The following CLNK variants were observed in gnomAD, a reference collection of about 807,000 sequenced individuals.
The protein encoded by CLNK is cytokine dependent hematopoietic cell linker.
Under a neutral mutation model 68.6 loss-of-function variants are expected in CLNK, and 74 were observed. The observed-to-expected ratio is 1.08, with a 90% confidence interval of 0.89 to 1.31. The LOEUF is 1.31. Ranked by LOEUF, CLNK falls within the 50% of genes most tolerant of loss-of-function variation. The pLI is 0.00. For synonymous variants in CLNK, 198 were observed against 172.2 expected, an observed-to-expected ratio of 1.15 and a Z score of -1.17; for missense variants, 553 against 515.3, an observed-to-expected ratio of 1.07 and a Z score of -0.71.
intron 7 of CLNK, among the ~76,000 whole-genome samples, chr4:10,564,104 CTT>C (rs371222469): frequency 6.6e-5 from 9 of 135,764 alleles, no homozygotes; most frequent in Non-Finnish European, 9.5e-5. Context: ...TAGATTTTTT[CTT>C]TTTTTTTTTT....
At chr4:10,542,143 C>A in intron 9 of CLNK, 102 bp from the exon 10 acceptor site, 1 of 1,234,708 alleles carries the variant, frequency 8.1e-7, no homozygotes, top group South Asian at 1.4e-5. Context: ...AAATTGTGAT[C>A]AGACTTATAA....
chr4:10,559,504 G>A (rs1037662061), intron 7 of CLNK, among the ~76,000 whole-genome samples: 4 of 152,044 alleles, frequency 2.6e-5, no homozygotes, highest in African/African-American at 7.3e-5. Flanking sequence ...TCTTGTGCAC[G>A]CTCATCTTTT....
chr4:10,696,971 C>T, the CLNK span, among the ~76,000 whole-genome samples: 3 of 152,270 alleles, frequency 2.0e-5, no homozygotes, highest in East Asian at 3.9e-4. Context: ...AACAAATTCT[C>T]CTGGTGATTC....
the CLNK span, among the ~76,000 whole-genome samples, chr4:10,724,549 C>T: frequency 6.7e-6 from 1 of 150,028 alleles, no homozygotes; most frequent in Admixed American, 6.7e-5. Context: ...CTGTTTTGTC[C>T]ACTGCTGTAT....
At chr4:10,676,514 T>C (rs1199065297) in intron 1 of CLNK, among the ~76,000 whole-genome samples, 2 of 151,136 alleles carry the variant, frequency 1.3e-5, no homozygotes, top group East Asian at 1.9e-4. Context: ...CTTGAGTATC[T>C]CAAGGCAATG....
intron 17 of CLNK, among the ~76,000 whole-genome samples, chr4:10,501,710 G>A (rs1336615981): frequency 1.3e-5 from 2 of 152,020 alleles, no homozygotes; most frequent in Non-Finnish European, 1.5e-5. Context: ...GCGGATCACC[G>A]GAGGTCAGGA....
At chr4:10,647,569 G>C (rs138284666) in intron 2 of CLNK, among the ~76,000 whole-genome samples, 50 of 152,190 alleles carry the variant, frequency 3.3e-4, no homozygotes, top group African/African-American at 1.2e-3. Context: ...ATTGAGCTCT[G>C]ACTTGTAGAA....
intron 18 of CLNK, among the ~76,000 whole-genome samples, chr4:10,491,065 G>A (rs1397696284): frequency 2.0e-5 from 3 of 152,190 alleles, no homozygotes; most frequent in Admixed American, 6.5e-5. Flanking sequence ...ACGCCTGACC[G>A]GAAGTAGTTT....
intron 11 of CLNK, among the ~76,000 whole-genome samples, chr4:10,535,213 GAGAAAGAAAGAAAGAA>G (rs57053319): frequency 0.083 from 10,870 of 131,358 alleles, 457 homozygotes; most frequent in Middle Eastern, 0.12. Flanking sequence ...AAGAAAGAAA[GAGAAAGAAAGAAAGAA>G]AGAAAGAAAG....
intron 17 of CLNK, among the ~76,000 whole-genome samples, chr4:10,504,076 C>T (rs1225600957): frequency 3.3e-5 from 5 of 149,376 alleles, no homozygotes; most frequent in Middle Eastern, 3.7e-3. Context: ...CCATCGCGCC[C>T]GGCTCATTTG....
intron 14 of CLNK, among the ~76,000 whole-genome samples, chr4:10,522,412 A>G (rs1435862404): frequency 4.0e-5 from 6 of 151,504 alleles, no homozygotes; most frequent in African/African-American, 1.2e-4. Context: ...TGTCTCTACT[A>G]AAAATACAAA....
intron 2 of CLNK, among the ~76,000 whole-genome samples, chr4:10,641,900 T>A (rs998239298): frequency 3.9e-5 from 6 of 152,190 alleles, no homozygotes; most frequent in African/African-American, 7.2e-5. Context: ...ACAAAGGGTT[T>A]CCCCTTTTGC....
chr4:10,508,299 G>C (rs1717400861), intron 16 of CLNK, among the ~76,000 whole-genome samples: 1 of 152,182 alleles, frequency 6.6e-6, no homozygotes, highest in Non-Finnish European at 1.5e-5. Context: ...ACCACCTTCA[G>C]AATGGATAAT....
the CLNK span, among the ~76,000 whole-genome samples, chr4:10,728,760 G>GA: frequency 6.6e-6 from 1 of 151,082 alleles, no homozygotes; most frequent in Non-Finnish European, 1.5e-5. Flanking sequence ...GGCTAATTTT[G>GA]TTTTTTTTGT....
the CLNK span, among the ~76,000 whole-genome samples, chr4:10,718,655 G>A: frequency 6.6e-6 from 1 of 150,994 alleles, no homozygotes; most frequent in Non-Finnish European, 1.5e-5. Flanking sequence ...TTTAACAAAT[G>A]GCTAAAGGAA....
At chr4:10,526,693 G>C (rs1381422274) in intron 13 of CLNK, among the ~76,000 whole-genome samples, 2 of 152,142 alleles carry the variant, frequency 1.3e-5, no homozygotes, top group Non-Finnish European at 2.9e-5. Context: ...GCTAGGTTCC[G>C]ACCAGGGATA....
intron 4 of CLNK, among the ~76,000 whole-genome samples, chr4:10,578,594 T>A (rs1410507327): frequency 1.4e-5 from 2 of 139,252 alleles, no homozygotes; most frequent in Non-Finnish European, 3.1e-5. Flanking sequence ...TTTTTTTTTT[T>A]TTTTTTTTTT....
At chr4:10,602,997 C>G (rs928357709) in intron 2 of CLNK, among the ~76,000 whole-genome samples, 1 of 152,180 alleles carries the variant, frequency 6.6e-6, no homozygotes, top group African/African-American at 2.4e-5. Flanking sequence ...TCTTCTCCAT[C>G]CCATCTTAGT....
intron 3 of CLNK, among the ~76,000 whole-genome samples, chr4:10,594,381 G>A (rs1721307084): frequency 6.6e-6 from 1 of 152,212 alleles, no homozygotes; most frequent in Admixed American, 6.5e-5. Flanking sequence ...CCTCCACTTG[G>A]AAGCTTGCAC....
Sources: gnomAD v4.1 joint callset for allele counts (sites outside exome capture counted in the v4.1 genomes callset) on GRCh38, gnomAD v4.1.1 for gene constraint, MANE v1.5 for transcripts, NCBI Gene and HGNC (gene_info 2026-07-23, HGNC 2026-07-21) for gene names.